SORCS2: variants seen among roughly 807,000 people sequenced by gnomAD.
The protein encoded by SORCS2 is sortilin related VPS10 domain containing receptor 2.
SORCS2 carries 100 observed loss-of-function variants against 141.6 expected under a neutral mutation model. The observed-to-expected ratio is 0.71, with a 90% CI of 0.60 to 0.83. SORCS2 has a LOEUF of 0.83. Ranked by LOEUF, SORCS2 falls within the 40% of genes least tolerant of loss-of-function variation. The pLI is 0.00. For synonymous variants in SORCS2, 789 were observed against 676.9 expected (o/e 1.17, Z -2.57); for missense variants, 1,646 against 1,560.2 (o/e 1.05, Z -0.93).
chr4:7,427,534 C>T (rs1240490521), intron 2 of SORCS2, among the ~76,000 whole-genome samples: 1 of 152,170 alleles, frequency 6.6e-6, no homozygotes, highest in Non-Finnish European at 1.5e-5. Context: ...CATACTTCCT[C>T]CTGCCTTTGG....
chr4:7,332,221 C>A (rs372673319), intron 1 of SORCS2, among the ~76,000 whole-genome samples: 1 of 152,224 alleles, frequency 6.6e-6, no homozygotes, highest in Non-Finnish European at 1.5e-5. Flanking sequence ...GGCTCTCAGC[C>A]AGGCCAAGGT....
At chr4:7,550,742 G>C (rs73214646) in intron 3 of SORCS2, among the ~76,000 whole-genome samples, 11,495 of 152,274 alleles carry the variant, frequency 0.075, 484 homozygotes, top group Non-Finnish European at 0.085. Context: ...TAGGGGAGAG[G>C]TTATCCTTCA....
chr4:7,464,616 T>C (rs1204393400), intron 2 of SORCS2, among the ~76,000 whole-genome samples: 1 of 152,002 alleles, frequency 6.6e-6, no homozygotes, highest in Non-Finnish European at 1.5e-5. Flanking sequence ...TATTTTAGGG[T>C]GAGAGTTTGT....
At chr4:7,245,389 G>A (rs750289009) in intron 1 of SORCS2, among the ~76,000 whole-genome samples, 4 of 152,338 alleles carry the variant, frequency 2.6e-5, no homozygotes, top group East Asian at 1.9e-4. Context: ...CGGGATGCCC[G>A]TTTCAGGACT....
At chr4:7,698,408 A>T (rs909437066) in intron 12 of SORCS2, among the ~76,000 whole-genome samples, 1 of 152,242 alleles carries the variant, frequency 6.6e-6, no homozygotes, top group Non-Finnish European at 1.5e-5. Flanking sequence ...TTTTTTAAAA[A>T]TATGCAAGAA....
intron 1 of SORCS2, among the ~76,000 whole-genome samples, chr4:7,205,573 C>T (rs142519519): frequency 6.6e-6 from 1 of 152,290 alleles, no homozygotes; most frequent in African/African-American, 2.4e-5. Flanking sequence ...GCTGTGATTT[C>T]TGTTGGTGAC....
chr4:7,649,605 G>A (rs563055004), intron 4 of SORCS2, among the ~76,000 whole-genome samples: 169 of 152,226 alleles, frequency 1.1e-3, no homozygotes, highest in Admixed American at 3.1e-3. Context: ...CATGGCAGCA[G>A]GAAGGTGAGG....
chr4:7,707,109 G>C (rs1392794846), intron 14 of SORCS2, among the ~76,000 whole-genome samples: 1 of 152,222 alleles, frequency 6.6e-6, no homozygotes, highest in Admixed American at 6.5e-5. Context: ...GCAGCAGCCT[G>C]TCCTCTCCGG....
intron 1 of SORCS2, among the ~76,000 whole-genome samples, chr4:7,235,029 A>G (rs1712166210): frequency 6.6e-6 from 1 of 152,192 alleles, no homozygotes; most frequent in East Asian, 1.9e-4. Flanking sequence ...CACAGGGTGG[A>G]AACTGAGGCT....
chr4:7,516,454 C>T (rs1732986865), intron 2 of SORCS2, among the ~76,000 whole-genome samples: 1 of 152,052 alleles, frequency 6.6e-6, no homozygotes, highest in African/African-American at 2.4e-5. Context: ...ATTTGCACCA[C>T]GTGGGAGGAG....
chr4:7,533,987 C>G (rs1312932784), intron 3 of SORCS2, among the ~76,000 whole-genome samples: 2 of 152,196 alleles, frequency 1.3e-5, no homozygotes, highest in African/African-American at 4.8e-5. Flanking sequence ...GGGGAGGTAT[C>G]TGCAGTCTTG....
chr4:7,230,747 CTG>C (rs1402491437), intron 1 of SORCS2, among the ~76,000 whole-genome samples: 2 of 148,294 alleles, frequency 1.3e-5, no homozygotes, highest in African/African-American at 5.0e-5. Flanking sequence ...CTTTGAGTCT[CTG>C]GGCAGGAGCA....
intron 1 of SORCS2, among the ~76,000 whole-genome samples, chr4:7,292,022 G>A (rs368788519): frequency 6.6e-5 from 10 of 152,324 alleles, no homozygotes; most frequent in African/African-American, 2.4e-4. Context: ...TTGTCTGGGG[G>A]AGGGTCCCTT....
At chr4:7,308,288 C>T (rs1023837121) in intron 1 of SORCS2, among the ~76,000 whole-genome samples, 6 of 151,788 alleles carry the variant, frequency 4.0e-5, no homozygotes, top group Admixed American at 6.6e-5. Flanking sequence ...CCCCCACCAC[C>T]GCCTCCAACC....
intron 8 of SORCS2, among the ~76,000 whole-genome samples, chr4:7,671,694 C>T (rs374542479): frequency 1.2e-4 from 18 of 152,190 alleles, no homozygotes; most frequent in Middle Eastern, 6.8e-3. Context: ...TGAAAGTGAA[C>T]GCAGTCTATG....
chr4:7,626,192 A>G (rs1439215785), intron 3 of SORCS2, among the ~76,000 whole-genome samples: 2 of 152,090 alleles, frequency 1.3e-5, no homozygotes. Flanking sequence ...AAAAGTATGA[A>G]ATACCGACCA....
chr4:7,215,922 C>T (rs1477575426), intron 1 of SORCS2, among the ~76,000 whole-genome samples: 1 of 147,372 alleles, frequency 6.8e-6, no homozygotes, highest in Middle Eastern at 3.2e-3. Context: ...TGGGTGGGGC[C>T]AGATAAGAGA....
chr4:7,674,689 C>T (rs1723003104), intron 8 of SORCS2, among the ~76,000 whole-genome samples: 1 of 151,714 alleles, frequency 6.6e-6, no homozygotes, highest in Admixed American at 6.6e-5. Flanking sequence ...GGCCGGGCCT[C>T]AGCGTTCAGG....
chr4:7,640,482 G>C (rs1435726932), intron 4 of SORCS2, among the ~76,000 whole-genome samples: 1 of 147,818 alleles, frequency 6.8e-6, no homozygotes, highest in Non-Finnish European at 1.5e-5. Context: ...GTGTGTGAGA[G>C]AGAGCCTATG....
Sources: gnomAD v4.1 joint callset for allele counts (sites outside exome capture counted in the v4.1 genomes callset) on GRCh38, gnomAD v4.1.1 for gene constraint, MANE v1.5 for transcripts, NCBI Gene and HGNC (gene_info 2026-07-23, HGNC 2026-07-21) for gene names.